Variants in CCSER1 observed in about 807,000 individuals in gnomAD.
CCSER1 encodes serine-rich coiled-coil domain-containing protein 1.
A neutral mutation model predicts 82.0 loss-of-function variants in CCSER1; 41 were observed. That is an observed-to-expected ratio of 0.50 (90% CI 0.39 to 0.65). The LOEUF (loss-of-function observed/expected upper bound fraction) is 0.65. CCSER1 is among the 30% of genes least tolerant of loss of function. CCSER1 has a pLI of 0.00. For synonymous variants in CCSER1, 414 were observed against 383.9 expected (o/e 1.08, Z -0.92); for missense variants, 1,119 against 1,064.2 (o/e 1.05, Z -0.72).
intron 10 of CCSER1, among the ~76,000 whole-genome samples, chr4:91,212,467 T>C (rs997663134): frequency 1.3e-5 from 2 of 152,050 alleles, no homozygotes; most frequent in Non-Finnish European, 2.9e-5. Context: ...AATTTTCTGG[T>C]GACTGATGCA....
At chr4:90,322,387 T>C (rs1403773617) in intron 3 of CCSER1, among the ~76,000 whole-genome samples, 2 of 152,258 alleles carry the variant, frequency 1.3e-5, no homozygotes, top group Non-Finnish European at 2.9e-5. Context: ...TATAGCTTTG[T>C]AATGTAATTT....
chr4:91,134,455 T>C (rs2148915029), intron 10 of CCSER1, among the ~76,000 whole-genome samples: 1 of 151,494 alleles, frequency 6.6e-6, no homozygotes, highest in African/African-American at 2.4e-5. Flanking sequence ...AAAAACAAAA[T>C]AATCTTCAGA....
intron 10 of CCSER1, among the ~76,000 whole-genome samples, chr4:91,217,163 C>T (rs62310744): frequency 0.058 from 8,835 of 152,114 alleles, 508 homozygotes; most frequent in African/African-American, 0.15. Flanking sequence ...TTAAAAGCAG[C>T]GTGGACCCAA....
intron 6 of CCSER1, among the ~76,000 whole-genome samples, chr4:90,638,108 T>A (rs1361382753): frequency 6.6e-6 from 1 of 152,158 alleles, no homozygotes; most frequent in Non-Finnish European, 1.5e-5. Context: ...ATTGTTTGAC[T>A]GTGAAGTTCG....
intron 3 of CCSER1, among the ~76,000 whole-genome samples, chr4:90,346,095 T>C (rs1742282616): frequency 6.6e-6 from 1 of 152,038 alleles, no homozygotes; most frequent in African/African-American, 2.4e-5. Context: ...TATAAAATGG[T>C]GTTTAAATAT....
At chr4:91,026,456 A>T (rs573785736) in intron 9 of CCSER1, among the ~76,000 whole-genome samples, 1 of 152,098 alleles carries the variant, frequency 6.6e-6, no homozygotes, top group East Asian at 1.9e-4. Flanking sequence ...TCTAAGTGTC[A>T]GTGAATTTTC....
At position 90,159,612 on chromosome 4, in the gene CCSER1, G is replaced by A. The variant is rs1399675022; in HGVS notation, c.-42+31781G>A. ...GGATCTATTGAGTATAAGCCCTTTGGAATTCGATTTTTCAAAGCTTTTTAT... is the reference window on the plus strand; with the variant it reads ...GGATCTATTGAGTATAAGCCCTTTGAAATTCGATTTTTCAAAGCTTTTTAT... On this transcript the variant is annotated intron_variant, in intron 1 of 10. Coordinates refer to ENST00000509176, the MANE Select transcript of CCSER1 (RefSeq NM_001145065.2). 3.3e-5 allele frequency among the ~76,000 whole-genome samples: 5 copies of A among 152,248 alleles called. No homozygotes were observed. In the East Asian group the frequency reaches 9.6e-4, roughly 29 times the overall value.
chr4:90,538,356 A>T (rs993054156), intron 5 of CCSER1, among the ~76,000 whole-genome samples: 3 of 152,026 alleles, frequency 2.0e-5, no homozygotes, highest in Non-Finnish European at 4.4e-5. Flanking sequence ...CATAGTATTT[A>T]ATTTTCCTAG....
chr4:90,640,860 T>C (rs10010040), intron 6 of CCSER1, among the ~76,000 whole-genome samples: 20,620 of 152,160 alleles, frequency 0.14, 1,796 homozygotes, highest in East Asian at 0.33. Flanking sequence ...CCATGCTGAA[T>C]TATGAGTCAA....
At position 90,396,801 on chromosome 4, in the gene CCSER1, TTTTCTTTC is replaced by T. The variant is rs375479076; in HGVS notation, c.1510-3219_1510-3212del. Among the ~76,000 whole-genome samples the T allele has an allele frequency of 4.6e-5, 7 of 152,112 alleles. No homozygotes were observed. The South Asian group carries it at 1.2e-3, about 27-fold the overall frequency. The stretch of plus-strand genomic sequence containing the variant: ...GAAACATTGTTTTATGTCTTTCTTC[TTTTCTTTC>T]TTTCTTTCTTTCTTTTCCCTTTCTC... On this transcript the variant is annotated intron_variant, in intron 3 of 10. Transcript: ENST00000509176.
chr4:90,807,061 G>A (rs1757612622), intron 7 of CCSER1, among the ~76,000 whole-genome samples: 1 of 152,050 alleles, frequency 6.6e-6, no homozygotes, highest in Admixed American at 6.6e-5. Context: ...GTCGTAAGGT[G>A]GTTATAGTTT....
chr4:90,365,384 C>G (rs1561102837), intron 3 of CCSER1, among the ~76,000 whole-genome samples: 1 of 151,616 alleles, frequency 6.6e-6, no homozygotes, highest in African/African-American at 2.4e-5. Context: ...TATACATATA[C>G]ACATATATAC....
intron 10 of CCSER1, among the ~76,000 whole-genome samples, chr4:91,378,429 G>A (rs1750602173): frequency 6.6e-6 from 1 of 152,140 alleles, no homozygotes; most frequent in South Asian, 2.1e-4. Flanking sequence ...ATTTCATTGA[G>A]CAGTGGTTTG....
In CCSER1 at chr4:90,989,639, G is replaced by C. The variant is rs114693894; in HGVS notation, c.2172+66192G>C. On this transcript the variant is annotated intron_variant, in intron 9 of 10. Transcript: ENST00000509176. Reference sequence around the variant, plus strand: ...TGAGTGACCTTCCTTTTGAAAGGTGGAAGGAAGAATGCCTAGAAATGTCAG... The same window carrying C: ...TGAGTGACCTTCCTTTTGAAAGGTGCAAGGAAGAATGCCTAGAAATGTCAG... Among the ~76,000 whole-genome samples, 550 of 151,890 alleles carry C rather than the reference G, an allele frequency of 3.6e-3. 4 individuals are homozygous for C. Among genetic ancestry groups the C allele is most frequent in the African/African-American group, 0.013 (535 of 41,494 alleles).
chr4:90,252,415 T>G (rs1722557826), intron 1 of CCSER1, among the ~76,000 whole-genome samples: 1 of 151,906 alleles, frequency 6.6e-6, no homozygotes. Context: ...GATTTATTTT[T>G]CTTTTTTAAC....
At chr4:91,385,844 C>T (rs999872190) in intron 10 of CCSER1, among the ~76,000 whole-genome samples, 4 of 151,754 alleles carry the variant, frequency 2.6e-5, no homozygotes, top group African/African-American at 4.8e-5. Context: ...CAAGGGAAAA[C>T]CCCATGAGAT....
At chr4:91,175,551 A>G (rs540457854) in intron 10 of CCSER1, among the ~76,000 whole-genome samples, 134 of 152,082 alleles carry the variant, frequency 8.8e-4, no homozygotes, top group African/African-American at 3.1e-3. Flanking sequence ...TGTGGTTTTG[A>G]TTTGCATTTC....
intron 1 of CCSER1, among the ~76,000 whole-genome samples, chr4:90,159,157 T>C (rs1835524): frequency 0.28 from 42,917 of 151,850 alleles, 7,679 homozygotes; most frequent in East Asian, 0.64. Flanking sequence ...CCTCAGCCTC[T>C]TTAGTAACTA....
chr4:90,904,215 A>G (rs1725104135), intron 8 of CCSER1, among the ~76,000 whole-genome samples: 1 of 152,078 alleles, frequency 6.6e-6, no homozygotes, highest in South Asian at 2.1e-4. Flanking sequence ...GACCATGGGG[A>G]TGACTCATCA....
Sources: gnomAD v4.1 joint callset for allele counts (sites outside exome capture counted in the v4.1 genomes callset) on GRCh38, gnomAD v4.1.1 for gene constraint, MANE v1.5 for transcripts, NCBI Gene and HGNC (gene_info 2026-07-23, HGNC 2026-07-21) for gene names.